KCNMB2: variants seen among roughly 807,000 people sequenced by gnomAD.
KCNMB2 encodes calcium-activated potassium channel subunit beta-2.
Under a neutral mutation model 24.5 loss-of-function variants are expected in KCNMB2, and 9 were observed. The observed-to-expected ratio is 0.37, with a 90% CI of 0.22 to 0.64. The LOEUF is 0.64. Among genes scored for constraint, KCNMB2 ranks in the 30% least tolerant of loss-of-function variants. KCNMB2 has a pLI of 0.63. For synonymous variants in KCNMB2, 109 were observed against 104.4 expected (o/e 1.04, Z -0.27); for missense variants, 226 against 284.3 (o/e 0.79, Z 1.47).
intron 1 of KCNMB2, among the ~76,000 whole-genome samples, chr3:178,738,898 C>T (rs1723403306): frequency 1.3e-5 from 2 of 151,898 alleles, no homozygotes; most frequent in African/African-American, 4.8e-5. Flanking sequence ...TCAGAGACTA[C>T]GTCTAGTCCA....
intron 1 of KCNMB2, among the ~76,000 whole-genome samples, chr3:178,578,471 T>C (rs1182015472): frequency 1.3e-5 from 2 of 152,180 alleles, no homozygotes; most frequent in Non-Finnish European, 1.5e-5. Flanking sequence ...CTGCATCAAC[T>C]GACAGTCAAA....
Position 178,810,789 on chromosome 3 carries a change from C to T in KCNMB2, c.56+3324C>T, listed in dbSNP as rs374789717. 3.4e-4 allele frequency among the ~76,000 whole-genome samples: 52 copies of T among 152,142 alleles called. 1 individual carries two copies. In the South Asian group the frequency reaches 0.011, roughly 31 times the overall value. Reference sequence around the variant, plus strand: ...TCGCTCTGTCGCCCAGGCTGGAGTGCAGTGGTGCGATCTTGGCTCACTGCA... The same window carrying T: ...TCGCTCTGTCGCCCAGGCTGGAGTGTAGTGGTGCGATCTTGGCTCACTGCA... On this transcript the variant is annotated intron_variant, in intron 2 of 4. Transcript: ENST00000452583.
intron 4 of KCNMB2, among the ~76,000 whole-genome samples, chr3:178,839,319 TAAAAAG>T (rs1715345370): frequency 2.6e-5 from 4 of 151,282 alleles, no homozygotes; most frequent in South Asian, 4.2e-4. Flanking sequence ...TAACATAAAA[TAAAAAG>T]AAAAACTACA....
chr3:178,650,030 C>T (rs936764791), intron 1 of KCNMB2, among the ~76,000 whole-genome samples: 3 of 152,148 alleles, frequency 2.0e-5, no homozygotes, highest in African/African-American at 7.2e-5. Context: ...ACCAGGGATT[C>T]TTGTACATTG....
intron 1 of KCNMB2, among the ~76,000 whole-genome samples, chr3:178,681,926 C>A (rs749948157): frequency 6.6e-6 from 1 of 152,164 alleles, no homozygotes; most frequent in Non-Finnish European, 1.5e-5. Flanking sequence ...CAACTTGAGA[C>A]TTAAAACTTT....
intron 4 of KCNMB2, among the ~76,000 whole-genome samples, chr3:178,837,358 A>G (rs1715271278): frequency 1.3e-5 from 2 of 152,196 alleles, no homozygotes; most frequent in Admixed American, 1.3e-4. Flanking sequence ...ACCCCATTAT[A>G]TAGTTTCAAA....
At position 178,734,711 on chromosome 3, in the gene KCNMB2, C is replaced by T. The variant is rs1723262198; in HGVS notation, c.-67-72632C>T. 3.9e-5 allele frequency among the ~76,000 whole-genome samples: 6 copies of T among 152,158 alleles called. No individual in the cohort carries two copies. In the South Asian group the frequency reaches 1.2e-3, roughly 32 times the overall value. On this transcript the variant is annotated intron_variant, in intron 1 of 4. Coordinates refer to ENST00000452583, the MANE Select transcript of KCNMB2 (RefSeq NM_181361.3). Reference sequence around the variant, plus strand: ...CTGATTCCAAATTTGGAGCCAGATTCCAGAAGAATTCTCCATTCTAATCCC... The same window carrying T: ...CTGATTCCAAATTTGGAGCCAGATTTCAGAAGAATTCTCCATTCTAATCCC...
intron 1 of KCNMB2, among the ~76,000 whole-genome samples, chr3:178,650,660 A>G (rs1280537104): frequency 1.3e-5 from 2 of 152,194 alleles, no homozygotes; most frequent in African/African-American, 2.4e-5. Flanking sequence ...AAAATCCTCA[A>G]TAAAATACTG....
rs143297723 is a variant in KCNMB2, at chr3:178,614,115, C to T, written c.-68+77404C>T. ...GAATCTAGTGCATTCATTAGTATGC[C>T]GATAGCATTTTTCAACTCTAGAATT... On this transcript the variant is annotated intron_variant, in intron 1 of 4. Coordinates refer to ENST00000452583, the MANE Select transcript of KCNMB2 (RefSeq NM_181361.3). Among the ~76,000 whole-genome samples, 549 of 147,416 alleles carry T rather than the reference C, an allele frequency of 3.7e-3. 7 individuals are homozygous for T. Among genetic ancestry groups the T allele is most frequent in the Admixed American group, 0.033 (476 of 14,506 alleles).
At chr3:178,573,670 C>A (rs1232926280) in intron 1 of KCNMB2, among the ~76,000 whole-genome samples, 2 of 148,158 alleles carry the variant, frequency 1.3e-5, no homozygotes, top group African/African-American at 2.5e-5. Context: ...TTGTTTGAGC[C>A]CAGAAGGTCA....
intron 1 of KCNMB2, among the ~76,000 whole-genome samples, chr3:178,640,399 A>C (rs1448637152): frequency 2.0e-5 from 3 of 152,130 alleles, no homozygotes; most frequent in African/African-American, 7.2e-5. Context: ...GAAGTGCTAC[A>C]CACTTTTAAA....
intron 1 of KCNMB2, among the ~76,000 whole-genome samples, chr3:178,715,523 A>G (rs1722592471): frequency 6.6e-6 from 1 of 151,918 alleles, no homozygotes; most frequent in Admixed American, 6.6e-5. Flanking sequence ...CTTTGAGTTA[A>G]GTTTTCAGCT....
At chr3:178,617,767 T>C (rs1392815306) in intron 1 of KCNMB2, among the ~76,000 whole-genome samples, 1 of 151,598 alleles carries the variant, frequency 6.6e-6, no homozygotes, top group Admixed American at 6.6e-5. Flanking sequence ...GGTGGGTACC[T>C]GTAGTCCCAG....
intron 1 of KCNMB2, among the ~76,000 whole-genome samples, chr3:178,695,848 C>T (rs753720830): frequency 5.9e-5 from 9 of 152,170 alleles, no homozygotes; most frequent in Middle Eastern, 6.3e-3. Flanking sequence ...TTCTTCTGAG[C>T]CTTCCAAATG....
At chr3:178,539,416 C>G (rs565983874) in intron 1 of KCNMB2, among the ~76,000 whole-genome samples, 2 of 151,910 alleles carry the variant, frequency 1.3e-5, no homozygotes, top group Non-Finnish European at 2.9e-5. Context: ...TACATTTGCA[C>G]GGTTGCATTT....
chr3:178,596,790 T>C (rs757346856), intron 1 of KCNMB2, among the ~76,000 whole-genome samples: 5 of 151,840 alleles, frequency 3.3e-5, no homozygotes, highest in Non-Finnish European at 7.4e-5. Flanking sequence ...TGAAAGAAAC[T>C]TCTATGTTTC....
intron 1 of KCNMB2, among the ~76,000 whole-genome samples, chr3:178,725,912 A>C (rs1185391355): frequency 6.6e-6 from 1 of 151,688 alleles, no homozygotes; most frequent in Non-Finnish European, 1.5e-5. Flanking sequence ...TCTATGTTTT[A>C]GTTGGTATAT....
chr3:178,669,289 G>C (rs1359121166), intron 1 of KCNMB2, among the ~76,000 whole-genome samples: 1 of 152,104 alleles, frequency 6.6e-6, no homozygotes, highest in Non-Finnish European at 1.5e-5. Flanking sequence ...AAAATAGCTT[G>C]CATGTTAACA....
chr3:178,561,759 T>A (rs144419399), intron 1 of KCNMB2, among the ~76,000 whole-genome samples: 119 of 152,320 alleles, frequency 7.8e-4, no homozygotes, highest in African/African-American at 2.7e-3. Flanking sequence ...TAATCTGATA[T>A]GCAGCAACTA....
Sources: gnomAD v4.1 joint callset for allele counts (sites outside exome capture counted in the v4.1 genomes callset) on GRCh38, gnomAD v4.1.1 for gene constraint, MANE v1.5 for transcripts, NCBI Gene and HGNC (gene_info 2026-07-23, HGNC 2026-07-21) for gene names.